CBLB: variants seen among roughly 807,000 people sequenced by gnomAD.
CBLB encodes E3 ubiquitin-protein ligase CBL-B.
A neutral mutation model predicts 104.9 loss-of-function variants in CBLB; 31 were observed. That is an observed-to-expected ratio of 0.30 (90% CI 0.22 to 0.40). The LOEUF (loss-of-function observed/expected upper bound fraction) is 0.40, where lower values mean the gene tolerates loss of function less well. Among genes scored for constraint, CBLB ranks in the 10% least tolerant of loss-of-function variants. The pLI, the probability that CBLB is intolerant of heterozygous loss-of-function variation, is 1.00. For missense variants in CBLB, 1,062 were observed against 1,214.6 expected, an observed-to-expected ratio of 0.87 and a Z score of 1.87; for synonymous variants, 440 against 422.6, an observed-to-expected ratio of 1.04 and a Z score of -0.51.
chr3:105,667,018 T>C (rs1014225873), intron 18 of CBLB, among the ~76,000 whole-genome samples: 5 of 152,232 alleles, frequency 3.3e-5, no homozygotes, highest in Non-Finnish European at 5.9e-5. Flanking sequence ...AGATAAACTA[T>C]TGAATACTTG....
At chr3:105,751,306 T>C (rs2076566892) in intron 5 of CBLB, among the ~76,000 whole-genome samples, 156 bp downstream of exon 5, 1 of 152,078 alleles carries the variant, frequency 6.6e-6, no homozygotes, top group African/African-American at 2.4e-5. Context: ...TGACCAAACA[T>C]ACCAATAAAA....
chr3:105,750,370 G>T (rs554225721), intron 5 of CBLB, among the ~76,000 whole-genome samples: 4 of 152,142 alleles, frequency 2.6e-5, no homozygotes, highest in African/African-American at 9.6e-5. Flanking sequence ...ATAAATCAGA[G>T]AAGTTCATGT....
At chr3:105,780,653 G>GTTTTTTTTTTTTTTTTTTTTTTT (rs1245925965) in intron 3 of CBLB, among the ~76,000 whole-genome samples, 1 of 84,688 alleles carries the variant, frequency 1.2e-5, no homozygotes, top group African/African-American at 3.9e-5. Context: ...TAAAAGTTTT[G>GTTTTTTTTTTTTTTTTTTTTTTT]TTTTTTGTTT....
At chr3:105,729,967 A>C (rs1289773889) in intron 9 of CBLB, among the ~76,000 whole-genome samples, 1 of 152,150 alleles carries the variant, frequency 6.6e-6, no homozygotes, top group Non-Finnish European at 1.5e-5. Context: ...AAATGTAAAA[A>C]TATTTAGATT....
rs1481635013 is a variant in CBLB at position 105,663,433 on chromosome 3, A to G, written c.2690-4204T>C. On this transcript the variant is annotated intron_variant, in intron 18 of 18. Coordinates refer to ENST00000394030, the MANE Select transcript of CBLB (RefSeq NM_170662.5). ...GCTGCTTGACTGATCACAGGTTCAC[A>G]TTATTGTTAACAGGCTTCAGATGTG... 3.3e-5 allele frequency among the ~76,000 whole-genome samples: 5 copies of G among 152,160 alleles called. No individual in the cohort carries two copies. The East Asian group carries it at 7.7e-4, about 24-fold the overall frequency.
chr3:105,711,741 T>TC (rs370240428), intron 10 of CBLB, among the ~76,000 whole-genome samples: 1 of 152,106 alleles, frequency 6.6e-6, no homozygotes, highest in Non-Finnish European at 1.5e-5. Flanking sequence ...CATTTTTTTT[T>TC]CTACTTCTTA....
intron 13 of CBLB, among the ~76,000 whole-genome samples, chr3:105,692,876 A>ATC (rs1206282127): frequency 6.7e-6 from 1 of 149,502 alleles, no homozygotes; most frequent in African/African-American, 2.5e-5. Context: ...AATGAGAGAT[A>ATC]TCTAGTGTGC....
chr3:105,748,474 C>T (rs1466462446), intron 5 of CBLB, among the ~76,000 whole-genome samples: 3 of 152,132 alleles, frequency 2.0e-5, no homozygotes, highest in Non-Finnish European at 2.9e-5. Context: ...TGTAGTGCCC[C>T]ATTTCTCAGT....
intron 3 of CBLB, among the ~76,000 whole-genome samples, chr3:105,817,460 T>C (rs1297366472): frequency 1.3e-5 from 2 of 152,144 alleles, no homozygotes; most frequent in Non-Finnish European, 2.9e-5. Context: ...GAAGCAGCCT[T>C]GGAGAATACC....
In CBLB at chr3:105,849,254, G is replaced by C. The variant is rs368989959; in HGVS notation, c.419+4160C>G. Among the ~76,000 whole-genome samples, 14 of 152,178 alleles carry C rather than the reference G, an allele frequency of 9.2e-5. No individual in the cohort carries two copies. The South Asian group carries it at 2.9e-3, about 32-fold the overall frequency. On this transcript the variant is annotated intron_variant, in intron 3 of 18. Transcript: ENST00000394030. The stretch of plus-strand genomic sequence containing the variant: ...CAAGAATGGTACATTATTATGAATT[G>C]TTATGAAACATTTATCAAATGTAAA...
intron 5 of CBLB, among the ~76,000 whole-genome samples, chr3:105,750,522 T>C (rs2076508198): frequency 6.6e-6 from 1 of 152,176 alleles, no homozygotes; most frequent in Non-Finnish European, 1.5e-5. Context: ...TTTACCTCAT[T>C]TACTATATAA....
At chr3:105,720,798 A>T (rs1412878960) in intron 9 of CBLB, among the ~76,000 whole-genome samples, 1 of 152,226 alleles carries the variant, frequency 6.6e-6, no homozygotes, top group East Asian at 1.9e-4. Flanking sequence ...TTTATATTCA[A>T]AAGCCATCAT....
intron 4 of CBLB, among the ~76,000 whole-genome samples, chr3:105,752,364 C>G (rs2076671010): frequency 1.3e-5 from 2 of 152,066 alleles, no homozygotes; most frequent in Admixed American, 1.3e-4. Flanking sequence ...CCCCACCTGA[C>G]CAGTTTCCAA....
At chr3:105,766,099 G>A (rs2078190185) in intron 4 of CBLB, among the ~76,000 whole-genome samples, 1 of 152,160 alleles carries the variant, frequency 6.6e-6, no homozygotes, top group African/African-American at 2.4e-5. Context: ...TGACTCTGAG[G>A]ATTTCAAGAC....
chr3:105,775,282 C>T (rs964095541), intron 4 of CBLB, among the ~76,000 whole-genome samples: 6 of 151,762 alleles, frequency 4.0e-5, no homozygotes, highest in African/African-American at 1.5e-4. Context: ...AAATTGTGTG[C>T]TTAATGAAAT....
chr3:105,741,470 A>C (rs1288682292), intron 6 of CBLB, among the ~76,000 whole-genome samples: 1 of 152,052 alleles, frequency 6.6e-6, no homozygotes, highest in Non-Finnish European at 1.5e-5. Flanking sequence ...ATCACGGCTC[A>C]CTGCAAGCTC....
chr3:105,763,973 A>G (rs995878386), intron 4 of CBLB, among the ~76,000 whole-genome samples: 6 of 152,222 alleles, frequency 3.9e-5, no homozygotes, highest in Non-Finnish European at 8.8e-5. Flanking sequence ...ATCTGCATAC[A>G]CTGTGGGTTT....
At chr3:105,737,495 CA>C (rs2075078624) in intron 7 of CBLB, among the ~76,000 whole-genome samples, 1 of 151,954 alleles carries the variant, frequency 6.6e-6, no homozygotes. Flanking sequence ...ACTAAGCAAC[CA>C]TTTTCAATGA....
chr3:105,736,366 T>G (rs75395673), intron 8 of CBLB, among the ~76,000 whole-genome samples: 5 of 152,106 alleles, frequency 3.3e-5, no homozygotes, highest in Non-Finnish European at 7.4e-5. Flanking sequence ...CTTACAGAAG[T>G]TGAACGTACA....
Sources: gnomAD v4.1 joint callset for allele counts (sites outside exome capture counted in the v4.1 genomes callset) on GRCh38, gnomAD v4.1.1 for gene constraint, MANE v1.5 for transcripts, NCBI Gene and HGNC (gene_info 2026-07-23, HGNC 2026-07-21) for gene names.